TYR: variants seen among roughly 807,000 people sequenced by gnomAD.
TYR encodes tyrosinase.
A neutral mutation model predicts 51.5 loss-of-function variants in TYR; 58 were observed. The observed-to-expected ratio is 1.13, with a 90% CI of 0.91 to 1.40. The LOEUF is 1.40. Among genes scored for constraint, TYR ranks in the 40% most tolerant of loss-of-function variants. The pLI, the probability that TYR is intolerant of heterozygous loss-of-function variation, is 0.00. For synonymous variants in TYR, 263 were observed against 235.2 expected (o/e 1.12, Z -1.08); for missense variants, 732 against 647.4 (o/e 1.13, Z -1.42).
At chr11:89,187,812 T>A (rs1318735601) in intron 1 of TYR, among the ~76,000 whole-genome samples, 1 of 151,958 alleles carries the variant, frequency 6.6e-6, no homozygotes, top group African/African-American at 2.4e-5. Context: ...CACCATACCA[T>A]TACACAATAA....
chr11:89,184,805 A>T (rs1310375944), intron 1 of TYR, among the ~76,000 whole-genome samples: 2 of 152,266 alleles, frequency 1.3e-5, no homozygotes, highest in East Asian at 1.9e-4. Context: ...TGTATTACGG[A>T]GCCCAATTTT....
intron 3 of TYR, among the ~76,000 whole-genome samples, chr11:89,276,328 G>C (rs1321702823): frequency 6.6e-6 from 1 of 151,740 alleles, no homozygotes; most frequent in Non-Finnish European, 1.5e-5. Context: ...TCCTCCATCT[G>C]CATCGCTTAA....
At chr11:89,232,191 T>A (rs1282198789) in intron 3 of TYR, among the ~76,000 whole-genome samples, 1 of 142,924 alleles carries the variant, frequency 7.0e-6, no homozygotes, top group Non-Finnish European at 1.5e-5. Context: ...CAGGCACACA[T>A]CAAAATACTG....
At chr11:89,179,231 C>G (rs1278956361) in intron 1 of TYR, among the ~76,000 whole-genome samples, 1 of 152,118 alleles carries the variant, frequency 6.6e-6, no homozygotes, top group Non-Finnish European at 1.5e-5. Flanking sequence ...CTGGCCTTAT[C>G]CCAGACTAAT....
chr11:89,274,248 G>C (rs1944624517), intron 3 of TYR, among the ~76,000 whole-genome samples: 1 of 151,734 alleles, frequency 6.6e-6, no homozygotes, highest in South Asian at 2.1e-4. Flanking sequence ...AAAATTCATA[G>C]ACCTATTGAA....
At position 89,227,946 on chromosome 11, in the gene TYR, T is replaced by A; in HGVS notation, c.1160T>A (p.Leu387His). 1 of 1,613,646 alleles carries A rather than the reference T, an allele frequency of 6.2e-7. No individual in the cohort carries two copies. The highest frequency in any genetic ancestry group is 8.5e-7 in the Non-Finnish European group (1 of 1,179,694). Residue 387 changes from leucine (L) to histidine (H), a missense_variant, in exon 3 of 5, where the codon CTT (leucine) becomes CAT (histidine). Leu to His is a moderately conservative substitution (Grantham distance 99, BLOSUM62 -3). Transcript: ENST00000263321. ...VQGSANDPIF[L>H]LHHAFVDSIF... ...GGATCTGCCAACGATCCTATCTTCC[T>A]TCTTCACCATGCATTTGTTGACAGG...
At chr11:89,195,635 T>G (rs1943507980) in intron 2 of TYR, among the ~76,000 whole-genome samples, 1 of 151,980 alleles carries the variant, frequency 6.6e-6, no homozygotes, top group East Asian at 1.9e-4. Context: ...GCCTAGATCA[T>G]GCCACTGCAC....
chr11:89,178,202 C>G lies in TYR; in HGVS notation c.249C>G (p.Val83=). ...ATGACCGGGAGTCGTGGCCTTCCGT[C>G]TTTTATAATAGGACCTGCCAGTGCT... ...GVDDRESWPS[V]FYNRTCQCSG... The change falls in exon 1 of 5, where the codon GTC becomes GTG. Residue 83 remains valine, a synonymous_variant. Transcript: ENST00000263321. 6.2e-7 allele frequency: 1 copy of G among 1,614,170 alleles called. No individual in the cohort carries two copies. Among genetic ancestry groups the G allele is most frequent in the Non-Finnish European group, 8.5e-7 (1 of 1,180,026 alleles).
intron 3 of TYR, among the ~76,000 whole-genome samples, chr11:89,240,616 G>T (rs1206894929): frequency 6.6e-6 from 1 of 151,806 alleles, no homozygotes; most frequent in South Asian, 2.1e-4. Context: ...TCAGTCATTT[G>T]TTCATGGCTT....
At chr11:89,286,472 T>C (rs1203567503) in intron 4 of TYR, among the ~76,000 whole-genome samples, 1 of 151,774 alleles carries the variant, frequency 6.6e-6, no homozygotes, top group East Asian at 1.9e-4. Flanking sequence ...CTCTATGAAG[T>C]AGGTATCATT....
rs1944892407 is a variant in TYR, at chr11:89,295,150, C to T, written c.1374C>T (p.Asp458=). ...GATGTCTTTTTATTTCAGACCCAGA[C>T]TCTTTTCAAGACTACATTAAGTCCT... The part of the protein sequence containing the change: ...DYSYLQDSDP[D]SFQDYIKSYL... The change falls in exon 5 of 5, where the codon GAC becomes GAT. Residue 458 remains aspartate (D), a synonymous_variant. Coordinates refer to ENST00000263321, the MANE Select transcript of TYR (RefSeq NM_000372.5). 2 of 1,613,952 alleles carry T rather than the reference C, an allele frequency of 1.2e-6. No homozygotes were observed. The highest frequency in any genetic ancestry group is 4.5e-5 in the East Asian group (2 of 44,874).
In TYR at chr11:89,225,252, G is replaced by A. The variant is rs530336428; in HGVS notation, c.1037-2571G>A. 4.0e-5 allele frequency among the ~76,000 whole-genome samples: 6 copies of A among 151,894 alleles called. No homozygotes were observed. In the South Asian group the frequency reaches 6.2e-4, roughly 16 times the overall value. ...CTAAATCAAGCTACTTAAAATATCT[G>A]TTACCTCACATACTTATTTGAGTAG... On this transcript the variant is annotated intron_variant, in intron 2 of 4. Coordinates refer to ENST00000263321, the MANE Select transcript of TYR (RefSeq NM_000372.5).
Position 89,295,264 on chromosome 11 carries a change from G to A in TYR, c.1488G>A (p.Val496=), listed in dbSNP as rs746970686. 6.2e-7 allele frequency: 1 copy of A among 1,613,936 alleles called. No individual in the cohort carries two copies. The highest frequency in any genetic ancestry group is 8.5e-7 in the Non-Finnish European group (1 of 1,179,852). The part of the protein sequence containing the change: ...AVLTALLAGL[V]SLLCRHKRKQ... ...TCACTGCCCTGCTGGCAGGGCTTGT[G>A]AGCTTGCTGTGTCGTCACAAGAGAA... The change falls in exon 5 of 5, where the codon GTG becomes GTA. Residue 496 remains valine (V), a synonymous_variant. Coordinates refer to ENST00000263321, the MANE Select transcript of TYR (RefSeq NM_000372.5).
Position 89,275,347 on chromosome 11 carries a change from C to A in TYR, c.1185-9426C>A, listed in dbSNP as rs148761807. ...TGTTTTAATTCCTAATTACTAATTTCTTGCATGTTAGTGGAAAAGCATTAA... is the reference window on the plus strand; with the variant it reads ...TGTTTTAATTCCTAATTACTAATTTATTGCATGTTAGTGGAAAAGCATTAA... On this transcript the variant is annotated intron_variant, in intron 3 of 4. Coordinates refer to ENST00000263321, the MANE Select transcript of TYR (RefSeq NM_000372.5). 1.9e-4 allele frequency among the ~76,000 whole-genome samples: 29 copies of A among 151,956 alleles called. No individual in the cohort carries two copies. In the East Asian group the frequency reaches 5.1e-3, roughly 27 times the overall value.
intron 2 of TYR, among the ~76,000 whole-genome samples, chr11:89,199,772 C>T (rs1264977077): frequency 6.6e-6 from 1 of 152,172 alleles, no homozygotes; most frequent in Non-Finnish European, 1.5e-5. Flanking sequence ...CATAGGCTGT[C>T]AGTCTTCATG....
At position 89,232,955 on chromosome 11, in the gene TYR, A is replaced by G. The variant is rs1256275189; in HGVS notation, c.1184+4985A>G. Among the ~76,000 whole-genome samples, 13 of 142,758 alleles carry G rather than the reference A, an allele frequency of 9.1e-5. 2 individuals carry two copies. Among genetic ancestry groups the G allele is most frequent in the African/African-American group, 3.6e-4 (13 of 35,946 alleles). The allele number at this position is 142,758 out of a possible 152,430, so 93.7% of individuals were successfully genotyped here. A position where few individuals can be genotyped will look rare whatever the true frequency, so the allele number is the denominator to read the frequency against. ...TGCTGAAAGCTGGGGTGGCTGGAGCAATTTTTTAAAATAAGACAAAAAGGA... is the reference window on the plus strand; with the variant it reads ...TGCTGAAAGCTGGGGTGGCTGGAGCGATTTTTTAAAATAAGACAAAAAGGA... On this transcript the variant is annotated intron_variant, in intron 3 of 4. Coordinates refer to ENST00000263321, the MANE Select transcript of TYR (RefSeq NM_000372.5).
Position 89,191,261 on chromosome 11 carries a change from C to G in TYR, c.879C>G (p.Pro293=), listed in dbSNP as rs760287990. 3 of 1,613,404 alleles carry G rather than the reference C, an allele frequency of 1.9e-6. No individual in the cohort carries two copies. The African/African-American group carries it at 4.0e-5, about 22-fold the overall frequency. ...NSHQSLCNGT[P]EGPLRRNPGN... is the part of the protein sequence containing the mutation. ...ATCAGTCTTTATGCAATGGAACGCCCGAGGGACCTTTACGGCGTAATCCTG... is the reference window on the plus strand; with the variant it reads ...ATCAGTCTTTATGCAATGGAACGCCGGAGGGACCTTTACGGCGTAATCCTG... Residue 293 remains proline (P), a synonymous_variant, in exon 2 of 5, where the codon CCC becomes CCG. Coordinates refer to ENST00000263321, the MANE Select transcript of TYR (RefSeq NM_000372.5).
At chr11:89,263,360 A>G (rs1944485947) in intron 3 of TYR, among the ~76,000 whole-genome samples, 1 of 151,996 alleles carries the variant, frequency 6.6e-6, no homozygotes. Context: ...TCATTTTGAT[A>G]AATAACACCT....
rs540348979 is a variant in TYR at position 89,235,463 on chromosome 11, A to G, written c.1184+7493A>G. On this transcript the variant is annotated intron_variant, in intron 3 of 4. Coordinates refer to ENST00000263321, the MANE Select transcript of TYR (RefSeq NM_000372.5). ...GGCAAATGGGTAAAGAAAATACAGTATATGTACACAATGAAATACTATTTA... is the reference window on the plus strand; with the variant it reads ...GGCAAATGGGTAAAGAAAATACAGTGTATGTACACAATGAAATACTATTTA... 1.2e-4 allele frequency among the ~76,000 whole-genome samples: 18 copies of G among 152,334 alleles called. No homozygotes were observed. The South Asian group carries it at 2.3e-3, about 19-fold the overall frequency.
Sources: gnomAD v4.1 joint callset for allele counts (sites outside exome capture counted in the v4.1 genomes callset) on GRCh38, gnomAD v4.1.1 for gene constraint, MANE v1.5 for transcripts, NCBI Gene and HGNC (gene_info 2026-07-23, HGNC 2026-07-21) for gene names.